Variants in ZNF860 observed in about 807,000 individuals in gnomAD.
ZNF860 encodes zinc finger protein 860.
For synonymous variants in ZNF860, 206 were observed against 248.9 expected, an observed-to-expected ratio of 0.83 and a Z score of 1.62; for missense variants, 641 against 759.2, an observed-to-expected ratio of 0.84 and a Z score of 1.83.
At chr3:31,985,998 G>A (rs1182917898) in intron 1 of ZNF860, among the ~76,000 whole-genome samples, 1 of 152,126 alleles carries the variant, frequency 6.6e-6, no homozygotes, top group Admixed American at 6.5e-5. Flanking sequence ...CTGAGCGTGA[G>A]TTCTTAGCCA....
chr3:32,006,437 T>G, the ZNF860 span, among the ~76,000 whole-genome samples: 1 of 152,224 alleles, frequency 6.6e-6, no homozygotes, highest in Non-Finnish European at 1.5e-5. Context: ...TAAAAATGAA[T>G]TCTTAATCGT....
chr3:31,994,196 A>G (rs1201765663), downstream of ZNF860, among the ~76,000 whole-genome samples: 1 of 152,198 alleles, frequency 6.6e-6, no homozygotes, highest in Non-Finnish European at 1.5e-5. Context: ...AACAGAGTTG[A>G]GAGTAGTGAT....
chr3:31,982,609 T>C (rs1229562785), intron 1 of ZNF860, among the ~76,000 whole-genome samples: 2 of 151,494 alleles, frequency 1.3e-5, no homozygotes, highest in East Asian at 3.9e-4. Context: ...GAAGTGGTTG[T>C]GCCCCTGAGT....
intron 1 of ZNF860, among the ~76,000 whole-genome samples, chr3:31,986,011 G>A (rs1449943955): frequency 1.3e-5 from 2 of 152,140 alleles, no homozygotes; most frequent in East Asian, 1.9e-4. Flanking sequence ...CTTAGCCACC[G>A]TATTATACCA....
rs1392460391 is a variant in ZNF860 at position 31,991,571 on chromosome 3, TTAAC to T, written c.*597_*600del. 2.4e-5 allele frequency: 4 copies of T among 166,826 alleles called. No individual in the cohort carries two copies. The highest frequency in any genetic ancestry group is 4.1e-4 in the South Asian group (2 of 4,832). 10.3% of individuals were successfully genotyped at this position (166,826 alleles called of 1,614,324 possible). The stretch of plus-strand genomic sequence containing the variant: ...TTGTTTATTGTTAATGTATGGAAAT[TTAAC>T]TAATTTTTGGTACTGATATTGTATT... On this transcript the variant is annotated 3_prime_UTR_variant, in exon 2 of 2. Transcript: ENST00000360311.
chr3:31,986,771 G>A (rs1173194430), intron 1 of ZNF860, among the ~76,000 whole-genome samples: 1 of 152,114 alleles, frequency 6.6e-6, no homozygotes, highest in Non-Finnish European at 1.5e-5. Context: ...AGCACTGTGG[G>A]AGGCTGAGAT....
chr3:31,990,854 A>G lies in ZNF860; in HGVS notation c.1775A>G (p.Lys592Arg). The G allele has an allele frequency of 6.3e-7, 1 of 1,582,194 alleles. No individual in the cohort carries two copies. The highest frequency in any genetic ancestry group is 1.3e-5 in the African/African-American group (1 of 74,090). Residue 592 changes from lysine (K) to arginine (R), a missense_variant, in exon 2 of 2, where the codon AAA becomes AGA. Physicochemically the swap from Lys to Arg is conservative, Grantham distance 26. Transcript: ENST00000360311. ...AKQRRIHMGEKHHKCDDCGKA... is the reference protein window; with the variant it reads ...AKQRRIHMGERHHKCDDCGKA... ...CAAAGGAGAATTCATATGGGAGAGA[A>G]ACATCACAAGTGTGATGATTGTGGC...
downstream of ZNF860, among the ~76,000 whole-genome samples, chr3:31,991,863 T>TAA (rs34418500): frequency 8.9e-5 from 13 of 146,192 alleles, no homozygotes; most frequent in South Asian, 1.7e-3. Flanking sequence ...CAAGACAGGC[T>TAA]AAAAAAAAAA....
intron 1 of ZNF860, among the ~76,000 whole-genome samples, chr3:31,987,544 G>A (rs1559543365): frequency 6.6e-6 from 1 of 152,204 alleles, no homozygotes; most frequent in Admixed American, 6.5e-5. Context: ...TGTTTACTAT[G>A]CTGGTTCTGG....
At chr3:31,996,935 A>G in the ZNF860 span, among the ~76,000 whole-genome samples, 2 of 152,192 alleles carry the variant, frequency 1.3e-5, no homozygotes, top group South Asian at 4.1e-4. Context: ...CCTTCTTCCC[A>G]GAAGGCTCCC....
downstream of ZNF860, among the ~76,000 whole-genome samples, chr3:31,995,113 C>A (rs749045737): frequency 1.1e-4 from 16 of 152,216 alleles, no homozygotes; most frequent in Non-Finnish European, 2.1e-4. Context: ...AAAATCAGAA[C>A]TCCTGGTAAG....
At position 31,991,282 on chromosome 3, in the gene ZNF860, A is replaced by G; in HGVS notation, c.*304A>G. On this transcript the variant is annotated 3_prime_UTR_variant, in exon 2 of 2. Transcript: ENST00000360311. ...CCAAAAGACGTGAGCCACTTTTCCT[A>G]GCCTGTTTTTTGTTTCTGATAGGGA... is the stretch of plus-strand genomic sequence containing the variant. 1 of 301,828 alleles carries G rather than the reference A, an allele frequency of 3.3e-6. No homozygotes were observed. The highest frequency in any genetic ancestry group is 6.5e-6 in the Non-Finnish European group (1 of 154,864). The allele number at this position is 301,828 out of a possible 1,614,324, so 18.7% of individuals were successfully genotyped here. A position where few individuals can be genotyped will look rare whatever the true frequency, so the allele number is the denominator to read the frequency against.
At position 31,990,257 on chromosome 3, in the gene ZNF860, G is replaced by A. The variant is rs1699007414; in HGVS notation, c.1178G>A (p.Gly393Asp). The change falls in exon 2 of 2, where the codon GGT becomes GAT. Residue 393 changes from glycine (G) to aspartate (D), a missense_variant. Coordinates refer to ENST00000360311, the MANE Select transcript of ZNF860 (RefSeq NM_001137674.3). The part of the protein sequence containing the change: ...STLIHHQAIH[G>D]IGKLYKCNDC... ...CTTATTCACCATCAAGCAATCCATG[G>A]TATAGGGAAACTTTATAAATGTAAT... 2 of 1,613,752 alleles carry A rather than the reference G, an allele frequency of 1.2e-6. No individual in the cohort carries two copies. The highest frequency in any genetic ancestry group is 1.3e-5 in the African/African-American group (1 of 74,848).
Position 31,984,329 on chromosome 3 carries a change from CG to C in ZNF860, c.-421+2428del, listed in dbSNP as rs556995824. Among the ~76,000 whole-genome samples the C allele has an allele frequency of 2.1e-3, 323 of 151,596 alleles. 2 individuals carry two copies. Among genetic ancestry groups the C allele is most frequent in the South Asian group, 8.0e-3 (38 of 4,770 alleles). On this transcript the variant is annotated intron_variant, in intron 1 of 1. Transcript: ENST00000360311. ...TGCTGGGATTACAGGCGTGAGCCAC[CG>C]TACCGGGCCCACCTAAGGTTTTTTT...
chr3:32,003,724 G>A, the ZNF860 span, among the ~76,000 whole-genome samples: 12 of 152,072 alleles, frequency 7.9e-5, no homozygotes, highest in Admixed American at 6.6e-4. Context: ...CCTGGGCATC[G>A]GAGGTCATGT....
At chr3:31,997,598 T>C in the ZNF860 span, among the ~76,000 whole-genome samples, 3 of 151,622 alleles carry the variant, frequency 2.0e-5, no homozygotes, top group Admixed American at 6.6e-5. Flanking sequence ...AGTTAGTGAA[T>C]TAGCAAATGA....
intron 1 of ZNF860, among the ~76,000 whole-genome samples, chr3:31,985,051 C>T (rs1030220108): frequency 6.6e-6 from 1 of 152,132 alleles, no homozygotes; most frequent in Admixed American, 6.5e-5. Flanking sequence ...CCAGCCTGGC[C>T]AACATGGTAC....
chr3:32,003,105 G>A, the ZNF860 span, among the ~76,000 whole-genome samples: 1 of 152,254 alleles, frequency 6.6e-6, no homozygotes, highest in Non-Finnish European at 1.5e-5. Context: ...AGGCACCAGA[G>A]TGGGGCAGAG....
Position 31,989,595 on chromosome 3 carries a change from A to G in ZNF860, c.516A>G (p.Lys172=). 2 of 1,614,170 alleles carry G rather than the reference A, an allele frequency of 1.2e-6. No homozygotes were observed. The highest frequency in any genetic ancestry group is 1.1e-5 in the South Asian group (1 of 91,082). Residue 172 remains lysine (K), a synonymous_variant, in exon 2 of 2, where the codon AAA becomes AAG. Coordinates refer to ENST00000360311, the MANE Select transcript of ZNF860 (RefSeq NM_001137674.3). ...HLPELHIFQT[K]GKVGNQVEKS... The stretch of plus-strand genomic sequence containing the variant: ...CTGAACTCCACATATTTCAGACCAA[A>G]GGGAAAGTTGGTAATCAAGTTGAGA...
Sources: gnomAD v4.1 joint callset for allele counts (sites outside exome capture counted in the v4.1 genomes callset) on GRCh38, gnomAD v4.1.1 for gene constraint, MANE v1.5 for transcripts, NCBI Gene and HGNC (gene_info 2026-07-23, HGNC 2026-07-21) for gene names.